Variants in SRCIN1 observed in about 807,000 individuals in gnomAD.
The protein encoded by SRCIN1 is P130Cas-associated protein.
In SRCIN1, 50 loss-of-function variants were observed where a neutral mutation model predicts 116.2. The observed-to-expected ratio is 0.43, with a 90% confidence interval of 0.34 to 0.54. The LOEUF (loss-of-function observed/expected upper bound fraction) is 0.54. Ranked by LOEUF, SRCIN1 falls within the 20% of genes least tolerant of loss-of-function variation. The pLI is 0.02. For synonymous variants in SRCIN1, 736 were observed against 750.0 expected (o/e 0.98, Z 0.30); for missense variants, 1,446 against 1,672.0 (o/e 0.86, Z 2.36).
Position 38,552,265 on chromosome 17 carries a change from G to T in SRCIN1, c.2481-133C>A. On this transcript the variant is annotated intron_variant, in intron 13 of 18. Coordinates refer to ENST00000617146, the MANE Select transcript of SRCIN1 (RefSeq NM_025248.3). This position sits in a 1 kb window ranked among gnomAD's most constrained non-coding sequence, Gnocchi z 5.3. Reference sequence around the variant, plus strand: ...TGGGAGGGCCTGGGGAGGAGTGACTGCCCCTGGTATAAGAGGAAGCCAGGT... The same window carrying T: ...TGGGAGGGCCTGGGGAGGAGTGACTTCCCCTGGTATAAGAGGAAGCCAGGT... 7.0e-7 allele frequency: 1 copy of T among 1,432,578 alleles called. No homozygotes were observed. The highest frequency in any genetic ancestry group is 9.4e-7 in the Non-Finnish European group (1 of 1,067,150). The allele number at this position is 1,432,578 out of a possible 1,614,324, so 88.7% of individuals were successfully genotyped here. A position where few individuals can be genotyped will look rare whatever the true frequency, so the allele number is the denominator to read the frequency against.
chr17:38,532,978 G>A lies in SRCIN1; in HGVS notation c.*319C>T, dbSNP rs1470126131. ...TGGACTGGGGGAAAGAGTGGTGAAA[G>A]AGAAGAAGGAGAGATGTGACAGGTG... On this transcript the variant is annotated 3_prime_UTR_variant, in exon 19 of 19. Transcript: ENST00000617146. The surrounding 1 kb of genome is among the most constrained non-coding windows in gnomAD (Gnocchi z 4.3). 3 of 197,478 alleles carry A rather than the reference G, an allele frequency of 1.5e-5. No individual in the cohort carries two copies. The highest frequency in any genetic ancestry group is 7.0e-5 in the African/African-American group (3 of 42,792). The allele number at this position is 197,478 out of a possible 1,614,324, so 12.2% of individuals were successfully genotyped here.
chr17:38,532,922 A>C lies in SRCIN1; in HGVS notation c.*375T>G. The C allele has an allele frequency of 6.1e-6, 1 of 163,336 alleles. No homozygotes were observed. Among genetic ancestry groups the C allele is most frequent in the Non-Finnish European group, 1.3e-5 (1 of 75,986 alleles). The allele number at this position is 163,336 out of a possible 1,614,324, so 10.1% of individuals were successfully genotyped here. ...TGGAGTATTCTTGGGAAGTGAGGGG[A>C]AGGCGGGAAGGGGGTGCAGGAGCTT... On this transcript the variant is annotated 3_prime_UTR_variant, in exon 19 of 19. Coordinates refer to ENST00000617146, the MANE Select transcript of SRCIN1 (RefSeq NM_025248.3). The surrounding 1 kb of genome is among the most constrained non-coding windows in gnomAD (Gnocchi z 4.3).
Position 38,571,724 on chromosome 17 carries a change from T to A in SRCIN1, c.325-3493A>T, listed in dbSNP as rs1037908169. On this transcript the variant is annotated intron_variant, in intron 2 of 18. Transcript: ENST00000617146. ...AGGAGCTGGGGCAAAATGAGAGGTG[T>A]TCTAAGAAGGTAAGATGGAAGCATA... Among the ~76,000 whole-genome samples, 4 of 152,186 alleles carry A rather than the reference T, an allele frequency of 2.6e-5. No homozygotes were observed. In the East Asian group the frequency reaches 7.7e-4, roughly 29 times the overall value.
Position 38,562,170 on chromosome 17 carries a change from C to A in SRCIN1, c.993G>T (p.Ser331=). ...QSGSPSRSRL[S]YAGGRPPSYA... is the part of the protein sequence containing the mutation. Reference sequence around the variant, plus strand: ...ACGAAGGCGGGCGCCCCCCGGCGTACGATAGGCGCGAACGCGACGGCGAAC... The same window carrying A: ...ACGAAGGCGGGCGCCCCCCGGCGTAAGATAGGCGCGAACGCGACGGCGAAC... Residue 331 remains serine, a synonymous_variant, in exon 7 of 19, where the codon TCG becomes TCT. Coordinates refer to ENST00000617146, the MANE Select transcript of SRCIN1 (RefSeq NM_025248.3). This position sits in a 1 kb window ranked among gnomAD's most constrained non-coding sequence, Gnocchi z 4.2. The A allele has an allele frequency of 3.6e-6, 5 of 1,380,212 alleles. No homozygotes were observed. The highest frequency in any genetic ancestry group is 3.7e-6 in the Non-Finnish European group (4 of 1,075,878). The allele number at this position is 1,380,212 out of a possible 1,614,324, so 85.5% of individuals were successfully genotyped here.
rs758993179 is a variant in SRCIN1 at position 38,564,122 on chromosome 17, G to T, written c.537C>A (p.Ser179=). 11 of 1,597,802 alleles carry T rather than the reference G, an allele frequency of 6.9e-6. No homozygotes were observed. Among genetic ancestry groups the T allele is most frequent in the Non-Finnish European group, 6.8e-6 (8 of 1,173,120 alleles). ...GGTGGACTGGGCGGGCAGTACCTGG[G>T]GAGCGCAGCTTGGTCTGGCTGGCCG... is the stretch of plus-strand genomic sequence containing the variant. The part of the protein sequence containing the change: ...SRSASQTKLR[S]PGVLFLQFGE... The change falls in exon 4 of 19, where the codon TCC becomes TCA. Residue 179 remains serine (S), a synonymous_variant. Coordinates refer to ENST00000617146, the MANE Select transcript of SRCIN1 (RefSeq NM_025248.3).
chr17:38,575,187 G>A (rs1472781748), intron 2 of SRCIN1, among the ~76,000 whole-genome samples: 2 of 152,206 alleles, frequency 1.3e-5, no homozygotes, highest in South Asian at 4.1e-4. Context: ...TTTTCTGTTA[G>A]ACCTGGGGGT....
intron 11 of SRCIN1, among the ~76,000 whole-genome samples, chr17:38,554,476 C>A (rs1042489338): frequency 1.3e-5 from 2 of 152,088 alleles, no homozygotes; most frequent in African/African-American, 4.8e-5. Context: ...TACAGGCACA[C>A]ACACGTGCTA....
chr17:38,533,475 C>G lies in SRCIN1; in HGVS notation c.3418-44G>C, dbSNP rs769101445. The G allele has an allele frequency of 4.5e-6, 7 of 1,557,084 alleles. No homozygotes were observed. The African/African-American group carries it at 8.3e-5, about 18-fold the overall frequency. On this transcript the variant is annotated intron_variant, in intron 18 of 18. Transcript: ENST00000617146. The stretch of plus-strand genomic sequence containing the variant: ...TCAGGGGTCAGAGAGCGGAAGGGAG[C>G]GCCTCCATGCTGGCCCCCAGCTGAA...
At chr17:38,551,455 C>T in intron 14 of SRCIN1, 66 bp from the exon 15 acceptor site, 2 of 1,369,520 alleles carry the variant, frequency 1.5e-6, no homozygotes, top group African/African-American at 1.4e-5. Context: ...GGGGCCTCAG[C>T]CTCCTCCCCC....
intron 1 of SRCIN1, among the ~76,000 whole-genome samples, chr17:38,593,460 G>A (rs372328300): frequency 8.5e-4 from 130 of 152,062 alleles, no homozygotes; most frequent in African/African-American, 3.0e-3. Context: ...TGAAGGCGGA[G>A]GGGAAGGGAG....
intron 18 of SRCIN1, among the ~76,000 whole-genome samples, chr17:38,539,200 T>A (rs1015400218): frequency 6.6e-6 from 1 of 152,204 alleles, no homozygotes; most frequent in Admixed American, 6.5e-5. Context: ...CTTTAAGGTA[T>A]AAAGTTGTAA....
At position 38,561,693 on chromosome 17, in the gene SRCIN1, T is replaced by C; in HGVS notation, c.1470A>G (p.Pro490=). The change falls in exon 7 of 19, where the codon CCA becomes CCG. Residue 490 remains proline, a synonymous_variant. Transcript: ENST00000617146. ...DVAAPPGGPP[P]PHSPYSGPPS... is the part of the protein sequence containing the mutation. ...GCGGCCCCGAGTAGGGGCTGTGCGG[T>C]GGCGGGGGACCTCCGGGGGGTGCTG... 6.5e-7 allele frequency: 1 copy of C among 1,548,962 alleles called. No homozygotes were observed. The highest frequency in any genetic ancestry group is 8.7e-7 in the Non-Finnish European group (1 of 1,152,142).
Position 38,562,110 on chromosome 17 carries a change from C to T in SRCIN1, c.1053G>A (p.Arg351=). The change falls in exon 7 of 19, where the codon AGG becomes AGA. Residue 351 remains arginine (R), a synonymous_variant. Transcript: ENST00000617146. The surrounding 1 kb of genome is among the most constrained non-coding windows in gnomAD (Gnocchi z 4.2). ...AGSPVHHAAE[R]LGGAPAAQGV... is the part of the protein sequence containing the mutation. ...CCTGGGCGGCCGGGGCGCCTCCCAG[C>T]CTCTCGGCCGCGTGGTGCACCGGGC... The T allele has an allele frequency of 1.4e-6, 2 of 1,413,238 alleles. No homozygotes were observed. The highest frequency in any genetic ancestry group is 1.8e-6 in the Non-Finnish European group (2 of 1,091,086). 87.5% of individuals were successfully genotyped at this position (1,413,238 alleles called of 1,614,324 possible). A position where few individuals can be genotyped will look rare whatever the true frequency, so the allele number is the denominator to read the frequency against.
chr17:38,577,498 C>T (rs976373805), intron 2 of SRCIN1, among the ~76,000 whole-genome samples: 2 of 152,176 alleles, frequency 1.3e-5, no homozygotes. Flanking sequence ...TGGGGACACT[C>T]CTCCCCATCC....
intron 18 of SRCIN1, among the ~76,000 whole-genome samples, 160 bp downstream of exon 18, chr17:38,543,663 C>G (rs557491565): frequency 6.8e-6 from 1 of 146,764 alleles, no homozygotes; most frequent in African/African-American, 2.5e-5. Flanking sequence ...AGGGAGAAGA[C>G]GGTTCAGGGG....
chr17:38,542,123 C>T (rs1228753274), intron 18 of SRCIN1: 2 of 152,274 alleles, frequency 1.3e-5, no homozygotes, highest in African/African-American at 4.8e-5. Context: ...ATCTCGATGT[C>T]ACTGGAGACC....
intron 15 of SRCIN1, 52 bp from the exon 16 acceptor site, chr17:38,549,262 T>C: frequency 1.4e-6 from 2 of 1,462,270 alleles, no homozygotes; most frequent in East Asian, 4.9e-5. Flanking sequence ...TTGGAGTCAG[T>C]GCACTACATC....
chr17:38,595,311 G>A (rs954188176), intron 1 of SRCIN1, among the ~76,000 whole-genome samples: 3 of 151,936 alleles, frequency 2.0e-5, no homozygotes, highest in Non-Finnish European at 4.4e-5. Flanking sequence ...TCTGCTTCCC[G>A]GGTTCGAGCA....
At chr17:38,593,982 G>A (rs1318375618) in intron 1 of SRCIN1, among the ~76,000 whole-genome samples, 1 of 152,224 alleles carries the variant, frequency 6.6e-6, no homozygotes, top group South Asian at 2.1e-4. Flanking sequence ...TTTTTACGGA[G>A]GCAGAAAGTA....
Sources: gnomAD v4.1 joint callset for allele counts (sites outside exome capture counted in the v4.1 genomes callset) on GRCh38, gnomAD v4.1.1 for gene constraint, Gnocchi (gnomAD v3.1) non-coding constraint, MANE v1.5 for transcripts, NCBI Gene and HGNC (gene_info 2026-07-23, HGNC 2026-07-21) for gene names.